Variants in UTS2B observed in about 807,000 individuals in gnomAD.
UTS2B encodes the protein urotensin-2B.
A neutral mutation model predicts 19.2 loss-of-function variants in UTS2B; 21 were observed. The observed-to-expected ratio is 1.09, with a 90% confidence interval of 0.78 to 1.58. The LOEUF is 1.58. Among genes scored for constraint, UTS2B ranks in the 40% most tolerant of loss-of-function variants. The pLI is 0.00. For synonymous variants in UTS2B, 57 were observed against 50.2 expected, an observed-to-expected ratio of 1.14 and a Z score of -0.58; for missense variants, 138 against 130.3, an observed-to-expected ratio of 1.06 and a Z score of -0.29.
chr3:191,339,200 A>G, the UTS2B span, among the ~76,000 whole-genome samples: 1 of 152,180 alleles, frequency 6.6e-6, no homozygotes, highest in Non-Finnish European at 1.5e-5. Flanking sequence ...GAGCAAAAGA[A>G]TGAGCTGAAG....
chr3:191,294,541 T>C (rs937569336), intron 4 of UTS2B: 6 of 151,950 alleles, frequency 3.9e-5, no homozygotes, highest in African/African-American at 1.2e-4. Flanking sequence ...CTATGATAAA[T>C]GTCCATGTTG....
chr3:191,319,644 G>C (rs998465390), intron 2 of UTS2B, among the ~76,000 whole-genome samples: 3 of 151,516 alleles, frequency 2.0e-5, no homozygotes, highest in African/African-American at 7.3e-5. Flanking sequence ...TGGATCACGA[G>C]GTCAGGAGTT....
At chr3:191,274,698 A>G (rs1309727960) in intron 8 of UTS2B, among the ~76,000 whole-genome samples, 1 of 152,248 alleles carries the variant, frequency 6.6e-6, no homozygotes, top group African/African-American at 2.4e-5. Context: ...GTAAAAATAA[A>G]TATGACTTAG....
upstream of UTS2B, among the ~76,000 whole-genome samples, chr3:191,333,607 A>AAG (rs1283305594): frequency 2.0e-5 from 3 of 152,174 alleles, no homozygotes; most frequent in Non-Finnish European, 4.4e-5. Flanking sequence ...TTTATGTCTT[A>AAG]GTTATCTTGC....
intron 8 of UTS2B, among the ~76,000 whole-genome samples, chr3:191,273,930 C>T (rs1040836262): frequency 6.6e-6 from 1 of 152,122 alleles, no homozygotes; most frequent in African/African-American, 2.4e-5. Flanking sequence ...TGGTGAAACC[C>T]ATCTCCACTA....
chr3:191,340,081 C>T, the UTS2B span, among the ~76,000 whole-genome samples: 17 of 152,282 alleles, frequency 1.1e-4, no homozygotes, highest in East Asian at 2.7e-3. Flanking sequence ...CTATCACTTA[C>T]ACTAAATCAA....
At chr3:191,280,877 C>A (rs960809987) in intron 5 of UTS2B, among the ~76,000 whole-genome samples, 1 of 152,054 alleles carries the variant, frequency 6.6e-6, no homozygotes, top group Admixed American at 6.5e-5. Context: ...CAACGTAGAC[C>A]TACCAAATGC....
chr3:191,282,052 C>G (rs879843838), intron 5 of UTS2B, 35 bp downstream of exon 5: 1 of 1,416,972 alleles, frequency 7.1e-7, no homozygotes, highest in Non-Finnish European at 9.9e-7. Context: ...GAATTACTTA[C>G]CCACCTGTAG....
At chr3:191,343,104 T>C in the UTS2B span, among the ~76,000 whole-genome samples, 1 of 152,142 alleles carries the variant, frequency 6.6e-6, no homozygotes, top group Non-Finnish European at 1.5e-5. Flanking sequence ...CTGAGGGACT[T>C]TTCATATACC....
At chr3:191,344,942 T>A in the UTS2B span, among the ~76,000 whole-genome samples, 41 of 152,248 alleles carry the variant, frequency 2.7e-4, no homozygotes, top group African/African-American at 8.7e-4. Flanking sequence ...CATCCTCAAA[T>A]CCTCACATCC....
intron 1 of UTS2B, chr3:191,329,601 G>A: frequency 6.6e-7 from 1 of 1,512,158 alleles, no homozygotes; most frequent in South Asian, 1.2e-5. Context: ...CTGCTGCTGC[G>A]CTCGGGGCCC....
chr3:191,341,408 G>A, the UTS2B span, among the ~76,000 whole-genome samples: 1 of 152,062 alleles, frequency 6.6e-6, no homozygotes, highest in Non-Finnish European at 1.5e-5. Flanking sequence ...TTAAGTACTT[G>A]CCCAAGGTCT....
chr3:191,329,510 G>T (rs1197630442), intron 1 of UTS2B: 9 of 599,114 alleles, frequency 1.5e-5, no homozygotes, highest in Admixed American at 8.7e-5. Flanking sequence ...CGCTGCTTTG[G>T]TCACCAGCCC....
At chr3:191,338,966 T>C in the UTS2B span, among the ~76,000 whole-genome samples, 1 of 152,228 alleles carries the variant, frequency 6.6e-6, no homozygotes, top group Non-Finnish European at 1.5e-5. Context: ...TAGTATTGGG[T>C]TCCATCAGAA....
Position 191,268,172 on chromosome 3 carries a change from C to T in UTS2B, c.*244G>A. 1 of 310,626 alleles carries T rather than the reference C, an allele frequency of 3.2e-6. No individual in the cohort carries two copies. Among genetic ancestry groups the T allele is most frequent in the Non-Finnish European group, 6.1e-6 (1 of 163,080 alleles). The allele number at this position is 310,626 out of a possible 1,614,324, so 19.2% of individuals were successfully genotyped here. A position where few individuals can be genotyped will look rare whatever the true frequency, so the allele number is the denominator to read the frequency against. On this transcript the variant is annotated 3_prime_UTR_variant, in exon 9 of 9. Transcript: ENST00000340524. ...TAGGAATCTTGGTGATATGAAACCT[C>T]CCTGACTGCACGTCCATTCATAGGC...
chr3:191,285,834 G>A (rs1279143659), intron 4 of UTS2B, among the ~76,000 whole-genome samples: 1 of 152,062 alleles, frequency 6.6e-6, no homozygotes, highest in African/African-American at 2.4e-5. Flanking sequence ...AGGAGGCGGA[G>A]GTTGCAGTGA....
Position 191,310,255 on chromosome 3 carries a change from C to T in UTS2B, c.-181-5707G>A, listed in dbSNP as rs112954055. On this transcript the variant is annotated intron_variant, in intron 3 of 8. Transcript: ENST00000340524. Reference sequence around the variant, plus strand: ...TGCTGGGATTACAGGCGTAAGCCACCGCACCCAGCCAGGTATTTTTTTTTT... The same window carrying T: ...TGCTGGGATTACAGGCGTAAGCCACTGCACCCAGCCAGGTATTTTTTTTTT... 7.3e-3 allele frequency among the ~76,000 whole-genome samples: 1,096 copies of T among 150,828 alleles called. 15 individuals are homozygous for T. Among genetic ancestry groups the T allele is most frequent in the African/African-American group, 0.024 (987 of 41,088 alleles).
chr3:191,275,396 G>A (rs1716204373), intron 7 of UTS2B, 51 bp from the exon 8 acceptor site: 2 of 1,493,330 alleles, frequency 1.3e-6, no homozygotes, highest in African/African-American at 1.4e-5. Flanking sequence ...AAACCATGCT[G>A]TTGACCGGGC....
chr3:191,291,597 C>T (rs1464996313), intron 4 of UTS2B, among the ~76,000 whole-genome samples: 6 of 152,008 alleles, frequency 3.9e-5, no homozygotes, highest in African/African-American at 9.7e-5. Flanking sequence ...GGACTACAGG[C>T]GCCCACCACC....
Sources: allele counts gnomAD v4.1 joint callset (sites outside exome capture counted in the v4.1 genomes callset), GRCh38; gene constraint gnomAD v4.1.1; transcripts MANE v1.5; gene names NCBI Gene and HGNC (gene_info 2026-07-23, HGNC 2026-07-21).